NBEA: variants seen among roughly 807,000 people sequenced by gnomAD.
The protein encoded by NBEA is lysosomal-trafficking regulator 2.
NBEA carries 44 observed loss-of-function variants against 343.4 expected under a neutral mutation model. The observed-to-expected ratio is 0.13, with a 90% CI of 0.10 to 0.16. NBEA has a LOEUF of 0.16. Among genes scored for constraint, NBEA ranks in the 10% least tolerant of loss-of-function variants. The probability of loss-of-function intolerance (pLI) is 1.00; values close to 1 mark genes in which losing one functional copy is unlikely to be tolerated. For synonymous variants in NBEA, 1,175 were observed against 1,238.7 expected (o/e 0.95, Z 1.08); for missense variants, 2,555 against 3,631.3 (o/e 0.70, Z 7.62).
At chr13:34,971,840 G>A (rs2152499531) in intron 1 of NBEA, among the ~76,000 whole-genome samples, 1 of 151,192 alleles carries the variant, frequency 6.6e-6, no homozygotes, top group South Asian at 2.1e-4. Context: ...TTTGTATCAG[G>A]ATGATGCTGG....
intron 39 of NBEA, among the ~76,000 whole-genome samples, chr13:35,448,342 T>C (rs1195723508): frequency 6.6e-6 from 1 of 152,214 alleles, no homozygotes; most frequent in Non-Finnish European, 1.5e-5. Flanking sequence ...AAGGAAAAAC[T>C]TGCTTTATTA....
At chr13:34,999,467 G>C (rs180948262) in intron 1 of NBEA, among the ~76,000 whole-genome samples, 2 of 152,218 alleles carry the variant, frequency 1.3e-5, no homozygotes, top group Non-Finnish European at 2.9e-5. Context: ...TGAAGAGCTT[G>C]ACATTCTCCA....
chr13:35,392,527 A>G (rs1293647636), intron 38 of NBEA, among the ~76,000 whole-genome samples: 1 of 150,332 alleles, frequency 6.7e-6, no homozygotes, highest in East Asian at 1.9e-4. Flanking sequence ...CAATATTCAT[A>G]CATTTCTTTG....
chr13:35,004,974 T>C lies in NBEA; in HGVS notation c.295-35959T>C, dbSNP rs533813804. ...ATGATTTAATGTTTTATGATGACAG[T>C]ATTTTGCCAGTTTTTTATTACCTTA... On this transcript the variant is annotated intron_variant, in intron 1 of 58. Coordinates refer to ENST00000379939, the MANE Select transcript of NBEA (RefSeq NM_001385012.1). 7.9e-5 allele frequency among the ~76,000 whole-genome samples: 12 copies of C among 152,278 alleles called. No homozygotes were observed. In the South Asian group the frequency reaches 2.5e-3, roughly 32 times the overall value.
intron 48 of NBEA, among the ~76,000 whole-genome samples, chr13:35,609,651 AC>A (rs2082418072): frequency 6.6e-6 from 1 of 152,140 alleles, no homozygotes; most frequent in African/African-American, 2.4e-5. Context: ...TTAAGCAGAG[AC>A]TTTTTTGTAT....
intron 40 of NBEA, among the ~76,000 whole-genome samples, chr13:35,468,197 G>T (rs2075480206): frequency 6.8e-6 from 1 of 147,724 alleles, no homozygotes; most frequent in Admixed American, 7.0e-5. Context: ...GAACTGGCCT[G>T]CCTATATCTA....
At chr13:35,218,660 A>G (rs1209663374) in intron 33 of NBEA, among the ~76,000 whole-genome samples, 3 of 151,904 alleles carry the variant, frequency 2.0e-5, no homozygotes, top group African/African-American at 7.2e-5. Flanking sequence ...TTTTCAATAA[A>G]TGTTATACAT....
chr13:35,330,968 A>G (rs2038890626), intron 36 of NBEA, among the ~76,000 whole-genome samples: 1 of 151,982 alleles, frequency 6.6e-6, no homozygotes, highest in South Asian at 2.1e-4. Flanking sequence ...TTCAAAAAAA[A>G]GTTTGATTAG....
intron 17 of NBEA, among the ~76,000 whole-genome samples, chr13:35,124,705 TATATGTATGGATATATATACAC>T (rs1459643895): frequency 1.1e-4 from 16 of 151,284 alleles, no homozygotes; most frequent in Non-Finnish European, 1.3e-4. Flanking sequence ...TATACACACA[TATATGTATGGATATATATACAC>T]ATATGTATGG....
chr13:35,050,193 A>G (rs1218726938), intron 5 of NBEA, 76 bp from the exon 6 acceptor site: 8 of 1,355,580 alleles, frequency 5.9e-6, no homozygotes, highest in Non-Finnish European at 8.1e-6. Flanking sequence ...TTATTTTTAT[A>G]AGAATGTTTA....
chr13:35,633,516 T>A (rs2083561603), intron 49 of NBEA, among the ~76,000 whole-genome samples: 1 of 151,588 alleles, frequency 6.6e-6, no homozygotes, highest in Non-Finnish European at 1.5e-5. Flanking sequence ...CCTCAGAGTA[T>A]GATTATATTG....
At chr13:35,429,552 A>G (rs1475307837) in intron 38 of NBEA, among the ~76,000 whole-genome samples, 1 of 152,064 alleles carries the variant, frequency 6.6e-6, no homozygotes, top group African/African-American at 2.4e-5. Flanking sequence ...CAACTCATCA[A>G]TATGTTGTTC....
intron 35 of NBEA, among the ~76,000 whole-genome samples, chr13:35,308,466 A>ATG (rs1484247494): frequency 3.2e-4 from 36 of 112,146 alleles, no homozygotes; most frequent in Non-Finnish European, 4.8e-4. Context: ...ATATATATAT[A>ATG]TATATATGTA....
At chr13:35,360,903 AGAG>A (rs1375082180) in intron 38 of NBEA, among the ~76,000 whole-genome samples, 2 of 152,056 alleles carry the variant, frequency 1.3e-5, no homozygotes, top group Non-Finnish European at 2.9e-5. Context: ...CATCAGAAGA[AGAG>A]GAGAAAGAAA....
intron 1 of NBEA, among the ~76,000 whole-genome samples, chr13:35,005,788 T>C (rs1227217237): frequency 6.6e-6 from 1 of 152,168 alleles, no homozygotes; most frequent in Non-Finnish European, 1.5e-5. Flanking sequence ...AAAATGAGAA[T>C]AAGTTAGGCA....
chr13:35,261,678 G>A (rs932277628), intron 34 of NBEA, among the ~76,000 whole-genome samples: 7 of 152,018 alleles, frequency 4.6e-5, no homozygotes, highest in African/African-American at 9.7e-5. Context: ...AGTGAACTCG[G>A]AGATGTAGAA....
intron 39 of NBEA, among the ~76,000 whole-genome samples, chr13:35,436,838 G>A (rs577749727): frequency 6.6e-6 from 1 of 151,922 alleles, no homozygotes; most frequent in Non-Finnish European, 1.5e-5. Context: ...AGGTACAAAA[G>A]AACATTTTAT....
At chr13:35,366,840 C>T (rs936604396) in intron 38 of NBEA, among the ~76,000 whole-genome samples, 2 of 151,226 alleles carry the variant, frequency 1.3e-5, no homozygotes, top group Non-Finnish European at 3.0e-5. Flanking sequence ...TGTCCACACA[C>T]AATAGGAAAA....
At chr13:35,218,194 T>A (rs1208961506) in intron 33 of NBEA, among the ~76,000 whole-genome samples, 2 of 152,138 alleles carry the variant, frequency 1.3e-5, no homozygotes, top group African/African-American at 4.8e-5. Flanking sequence ...GTTCCCTGTA[T>A]TTGTCTAATA....
Sources: allele counts gnomAD v4.1 joint callset (sites outside exome capture counted in the v4.1 genomes callset), GRCh38; gene constraint gnomAD v4.1.1; transcripts MANE v1.5; gene names NCBI Gene and HGNC (gene_info 2026-07-23, HGNC 2026-07-21).